Variants in CALN1 observed in about 807,000 individuals in gnomAD.
CALN1 encodes the protein calneuron 1.
In CALN1, 17 loss-of-function variants were observed where a neutral mutation model predicts 30.6. The observed-to-expected ratio is 0.56, with a 90% CI of 0.38 to 0.83. The LOEUF is 0.83. CALN1 is among the 40% of genes least tolerant of loss of function. The pLI is 0.00. For missense variants in CALN1, 291 were observed against 354.9 expected (o/e 0.82, Z 1.45); for synonymous variants, 156 against 131.4 (o/e 1.19, Z -1.28).
intron 1 of CALN1, among the ~76,000 whole-genome samples, chr7:72,408,800 C>T (rs143466267): frequency 1.6e-3 from 241 of 151,274 alleles, no homozygotes; most frequent in African/African-American, 5.4e-3. Context: ...CCTCCAGTCC[C>T]CTCAGTAGCT....
intron 5 of CALN1, among the ~76,000 whole-genome samples, chr7:71,850,904 A>G (rs1309866840): frequency 6.6e-6 from 1 of 152,160 alleles, no homozygotes; most frequent in African/African-American, 2.4e-5. Context: ...AATACCATTT[A>G]TGTACATTAA....
At chr7:72,188,868 G>C (rs887650612) in intron 3 of CALN1, among the ~76,000 whole-genome samples, 1 of 152,114 alleles carries the variant, frequency 6.6e-6, no homozygotes, top group Non-Finnish European at 1.5e-5. Flanking sequence ...CCACAGTGAT[G>C]CAGCAAGGCC....
At chr7:72,284,514 T>A (rs1408429284) in intron 2 of CALN1, among the ~76,000 whole-genome samples, 1 of 115,794 alleles carries the variant, frequency 8.6e-6, no homozygotes, top group Non-Finnish European at 2.1e-5. Context: ...TCCTCCCCAG[T>A]GTGGGTGGGT....
At chr7:72,406,639 C>T (rs1270544488) in intron 1 of CALN1, among the ~76,000 whole-genome samples, 8 of 47,408 alleles carry the variant, frequency 1.7e-4, no homozygotes, top group African/African-American at 3.4e-4. Flanking sequence ...TTTTTTAAGA[C>T]GGAGTCTTGT....
At chr7:72,355,952 AAAAG>A (rs1367546346) in intron 2 of CALN1, among the ~76,000 whole-genome samples, 8 of 152,236 alleles carry the variant, frequency 5.3e-5, no homozygotes, top group Non-Finnish European at 1.0e-4. Context: ...AGTTGATTTG[AAAAG>A]AAAGAAGAAA....
chr7:72,013,271 T>G (rs1230824862), intron 5 of CALN1, among the ~76,000 whole-genome samples: 1 of 139,924 alleles, frequency 7.1e-6, no homozygotes, highest in Non-Finnish European at 1.5e-5. Context: ...TTTTTTTTTT[T>G]GAGACAGGAT....
Position 71,791,947 on chromosome 7 carries a change from C to G in CALN1, c.659-4045G>C, listed in dbSNP as rs112733384. Among the ~76,000 whole-genome samples the G allele has an allele frequency of 1.5e-3, 233 of 152,010 alleles. 1 individual carries two copies. The highest frequency in any genetic ancestry group is 5.6e-3 in the African/African-American group (231 of 41,440). ...AATGGTGTGAACCCGGGAGGCAGAG[C>G]TTGCAGTGAGCCGAGATCGCGCCAC... is the stretch of plus-strand genomic sequence containing the variant. On this transcript the variant is annotated intron_variant, in intron 6 of 6. Coordinates refer to ENST00000395275, the MANE Select transcript of CALN1 (RefSeq NM_031468.4).
chr7:71,810,297 G>A (rs1787873254), intron 6 of CALN1, 39 bp downstream of exon 6: 2 of 1,604,206 alleles, frequency 1.2e-6, no homozygotes, highest in Non-Finnish European at 1.7e-6. Flanking sequence ...GCATTGGCCT[G>A]TCCCGGACCG....
At chr7:71,788,488 G>GTTTTT (rs1454582383) in intron 6 of CALN1, among the ~76,000 whole-genome samples, 1 of 120,452 alleles carries the variant, frequency 8.3e-6, no homozygotes. Flanking sequence ...GTTTTTTTTT[G>GTTTTT]TTGTTTTTTT....
At chr7:72,080,617 G>A (rs1805072582) in intron 4 of CALN1, among the ~76,000 whole-genome samples, 2 of 152,170 alleles carry the variant, frequency 1.3e-5, no homozygotes, top group Admixed American at 1.3e-4. Flanking sequence ...TGGGGTATTT[G>A]ACAGAAAAGG....
upstream of CALN1, among the ~76,000 whole-genome samples, chr7:72,451,929 G>A (rs1183764471): frequency 6.6e-6 from 1 of 152,038 alleles, no homozygotes. Context: ...AGCACTTCAG[G>A]AGGCTGAGAT....
At chr7:72,178,897 C>G (rs1456052212) in intron 3 of CALN1, among the ~76,000 whole-genome samples, 1 of 152,134 alleles carries the variant, frequency 6.6e-6, no homozygotes, top group Non-Finnish European at 1.5e-5. Context: ...TTGATAAAGT[C>G]TGAAGTCTGG....
chr7:71,833,910 A>C (rs1789442180), intron 5 of CALN1, among the ~76,000 whole-genome samples: 1 of 151,976 alleles, frequency 6.6e-6, no homozygotes, highest in African/African-American at 2.4e-5. Flanking sequence ...CCTGTCTCTT[A>C]AAAAACAAAA....
At chr7:72,036,851 T>C (rs1335842754) in intron 4 of CALN1, among the ~76,000 whole-genome samples, 1 of 149,048 alleles carries the variant, frequency 6.7e-6, no homozygotes, top group Non-Finnish European at 1.5e-5. Context: ...TTATGCTTTG[T>C]GATTTTTTTT....
At chr7:72,396,786 T>C (rs1805990532) in intron 2 of CALN1, among the ~76,000 whole-genome samples, 1 of 152,184 alleles carries the variant, frequency 6.6e-6, no homozygotes, top group Non-Finnish European at 1.5e-5. Flanking sequence ...GAAATAGTCA[T>C]GGAGACCTGA....
intron 5 of CALN1, among the ~76,000 whole-genome samples, chr7:71,910,058 T>C (rs1272961232): frequency 9.1e-6 from 1 of 109,964 alleles, no homozygotes; most frequent in African/African-American, 2.9e-5. Flanking sequence ...CCATCAGATC[T>C]CAAGAGACTT....
At chr7:72,503,945 T>C in the CALN1 span, among the ~76,000 whole-genome samples, 1 of 152,138 alleles carries the variant, frequency 6.6e-6, no homozygotes, top group Non-Finnish European at 1.5e-5. Flanking sequence ...TCATCTTTTG[T>C]ATGACTGCCC....
At chr7:72,343,441 G>T (rs144921270) in intron 2 of CALN1, among the ~76,000 whole-genome samples, 1 of 151,980 alleles carries the variant, frequency 6.6e-6, no homozygotes, top group Non-Finnish European at 1.5e-5. Context: ...CCAGCTACTC[G>T]GAAGACTGAG....
intron 4 of CALN1, among the ~76,000 whole-genome samples, chr7:72,090,654 T>C (rs1584921307): frequency 6.6e-6 from 1 of 152,234 alleles, no homozygotes; most frequent in African/African-American, 2.4e-5. Flanking sequence ...TTATTCACAA[T>C]AGCTAAGATA....
Sources: gnomAD v4.1 joint callset for allele counts (sites outside exome capture counted in the v4.1 genomes callset) on GRCh38, gnomAD v4.1.1 for gene constraint, MANE v1.5 for transcripts, NCBI Gene and HGNC (gene_info 2026-07-23, HGNC 2026-07-21) for gene names.